GRIK1: variants seen among roughly 807,000 people sequenced by gnomAD.
The protein encoded by GRIK1 is glutamate ionotropic receptor kainate type subunit 1.
GRIK1 carries 69 observed loss-of-function variants against 105.7 expected under a neutral mutation model. The observed-to-expected ratio is 0.65, with a 90% confidence interval of 0.54 to 0.80. GRIK1 has a LOEUF of 0.80. GRIK1 is among the 30% of genes least tolerant of loss of function. The pLI, the probability that GRIK1 is intolerant of heterozygous loss-of-function variation, is 0.00. For synonymous variants in GRIK1, 438 were observed against 431.3 expected (o/e 1.02, Z -0.19); for missense variants, 1,109 against 1,167.3 (o/e 0.95, Z 0.73).
intron 1 of GRIK1, among the ~76,000 whole-genome samples, chr21:29,885,631 AT>A (rs1183312496): frequency 1.3e-5 from 2 of 152,112 alleles, no homozygotes; most frequent in African/African-American, 4.8e-5. Context: ...CTATCATAGC[AT>A]CAATGATTAC....
chr21:29,785,046 T>A (rs1448895535), intron 1 of GRIK1, among the ~76,000 whole-genome samples: 1 of 152,124 alleles, frequency 6.6e-6, no homozygotes, highest in Non-Finnish European at 1.5e-5. Flanking sequence ...AAACCCAGGG[T>A]GATTAGTCAA....
chr21:29,558,620 G>A (rs1406671367), intron 15 of GRIK1, among the ~76,000 whole-genome samples: 2 of 151,514 alleles, frequency 1.3e-5, no homozygotes, highest in Non-Finnish European at 2.9e-5. Flanking sequence ...TAGGAAGTGG[G>A]GAAGGCTTTT....
intron 1 of GRIK1, among the ~76,000 whole-genome samples, chr21:29,718,059 T>A (rs1053956309): frequency 4.6e-5 from 7 of 152,198 alleles, no homozygotes; most frequent in African/African-American, 1.7e-4. Flanking sequence ...CCTGCCACCA[T>A]GTGAAGAAGG....
chr21:29,734,994 T>G (rs1601560400), intron 1 of GRIK1, among the ~76,000 whole-genome samples: 1 of 152,162 alleles, frequency 6.6e-6, no homozygotes, highest in Non-Finnish European at 1.5e-5. Flanking sequence ...CAAAGAGACC[T>G]CCCTGCCTAT....
intron 1 of GRIK1, among the ~76,000 whole-genome samples, chr21:29,917,302 G>T (rs894769366): frequency 1.3e-5 from 2 of 152,016 alleles, no homozygotes; most frequent in Admixed American, 1.3e-4. Context: ...CTGAAATTGA[G>T]AGAAATGAAT....
At chr21:29,769,234 A>C in intron 1 of GRIK1, among the ~76,000 whole-genome samples, 1 of 152,142 alleles carries the variant, frequency 6.6e-6, no homozygotes, top group Admixed American at 6.5e-5. Flanking sequence ...AGAGGGAATC[A>C]AATTAAAACG....
chr21:29,572,759 T>C (rs902481909), intron 14 of GRIK1, among the ~76,000 whole-genome samples: 1 of 151,084 alleles, frequency 6.6e-6, no homozygotes, highest in Non-Finnish European at 1.5e-5. Flanking sequence ...TTTAGCTCAA[T>C]TGGTCTTTTT....
intron 1 of GRIK1, among the ~76,000 whole-genome samples, chr21:29,848,947 T>G (rs1298516685): frequency 2.6e-5 from 4 of 151,790 alleles, no homozygotes; most frequent in Non-Finnish European, 5.9e-5. Flanking sequence ...TGCCAAATGT[T>G]TCTTTATCAT....
chr21:29,610,085 C>T (rs749185777), intron 7 of GRIK1, among the ~76,000 whole-genome samples: 13 of 152,108 alleles, frequency 8.5e-5, no homozygotes, highest in South Asian at 2.1e-4. Flanking sequence ...ATGATTTATA[C>T]GATCATAAAC....
At chr21:29,766,037 G>T (rs534510898) in intron 1 of GRIK1, among the ~76,000 whole-genome samples, 5 of 152,060 alleles carry the variant, frequency 3.3e-5, no homozygotes, top group African/African-American at 1.2e-4. Flanking sequence ...ATTTTTAGTA[G>T]AGACGGTTTT....
At chr21:29,829,613 T>G (rs2067570463) in intron 1 of GRIK1, among the ~76,000 whole-genome samples, 1 of 152,192 alleles carries the variant, frequency 6.6e-6, no homozygotes, top group Admixed American at 6.5e-5. Context: ...AAATGATCGA[T>G]TCTGCCACCC....
chr21:29,644,374 A>C (rs1460015377), intron 6 of GRIK1, among the ~76,000 whole-genome samples: 3 of 152,246 alleles, frequency 2.0e-5, no homozygotes, highest in African/African-American at 7.2e-5. Context: ...GGTGACTAAC[A>C]TGGTTCCTGA....
intron 1 of GRIK1, among the ~76,000 whole-genome samples, chr21:29,801,901 A>G (rs1470247664): frequency 6.6e-6 from 1 of 152,038 alleles, no homozygotes; most frequent in Non-Finnish European, 1.5e-5. Flanking sequence ...AGAGATAAGC[A>G]TCCATTATGT....
chr21:29,931,832 G>A (rs1489669410), intron 1 of GRIK1, among the ~76,000 whole-genome samples: 3 of 152,034 alleles, frequency 2.0e-5, no homozygotes, highest in African/African-American at 7.2e-5. Context: ...GATAAAATAG[G>A]TGTTTTGCCT....
intron 1 of GRIK1, among the ~76,000 whole-genome samples, chr21:29,766,085 G>A (rs1018971828): frequency 8.6e-5 from 13 of 152,000 alleles, no homozygotes; most frequent in Non-Finnish European, 1.3e-4. Flanking sequence ...TCCTGACTTC[G>A]TGATCCGGCC....
At position 29,804,445 on chromosome 21, in the gene GRIK1, A is replaced by AT. The variant is rs1049897049; in HGVS notation, c.119-110383dup. Among the ~76,000 whole-genome samples the AT allele has an allele frequency of 4.0e-3, 601 of 151,716 alleles. 4 individuals are homozygous for AT. The highest frequency in any genetic ancestry group is 0.017 in the Middle Eastern group (5 of 294). On this transcript the variant is annotated intron_variant, in intron 1 of 17. Coordinates refer to ENST00000327783, the MANE Select transcript of GRIK1 (RefSeq NM_001330994.2). The stretch of plus-strand genomic sequence containing the variant: ...AGAGCATGGTCCATTTTCAACTCCA[A>AT]TTAAAAAAAAAAATGAAGACAAAAC...
chr21:29,878,555 T>C (rs950359458), intron 1 of GRIK1, among the ~76,000 whole-genome samples: 2 of 152,132 alleles, frequency 1.3e-5, no homozygotes, highest in African/African-American at 4.8e-5. Flanking sequence ...TAGCCACTGC[T>C]ATAGACTGAA....
At chr21:29,668,468 G>A (rs2146627477) in intron 4 of GRIK1, among the ~76,000 whole-genome samples, 1 of 152,272 alleles carries the variant, frequency 6.6e-6, no homozygotes, top group East Asian at 1.9e-4. Context: ...TGTGTCACGT[G>A]GCCAGAAAGG....
chr21:29,913,488 T>C (rs1428688528), intron 1 of GRIK1, among the ~76,000 whole-genome samples: 1 of 151,980 alleles, frequency 6.6e-6, no homozygotes, highest in East Asian at 1.9e-4. Flanking sequence ...ATCTAGTCCC[T>C]GAATCTAATA....
Sources: gnomAD v4.1 joint callset for allele counts (sites outside exome capture counted in the v4.1 genomes callset) on GRCh38, gnomAD v4.1.1 for gene constraint, MANE v1.5 for transcripts, NCBI Gene and HGNC (gene_info 2026-07-23, HGNC 2026-07-21) for gene names.